TRAF3IP1: variants seen among roughly 807,000 people sequenced by gnomAD.
TRAF3IP1 encodes the protein intraflagellar transport 54, also known as TRAF3-interacting protein 1.
TRAF3IP1 carries 53 observed loss-of-function variants against 89.9 expected under a neutral mutation model. The ratio of observed to expected loss-of-function variants is 0.59; its 90% CI spans 0.47 to 0.74. The LOEUF (loss-of-function observed/expected upper bound fraction) is 0.74, where lower values mean the gene tolerates loss of function less well. Ranked by LOEUF, TRAF3IP1 falls within the 30% of genes least tolerant of loss-of-function variation. The pLI, the probability that TRAF3IP1 is intolerant of heterozygous loss-of-function variation, is 0.00. For synonymous variants in TRAF3IP1, 311 were observed against 322.1 expected, an observed-to-expected ratio of 0.97 and a Z score of 0.37; for missense variants, 806 against 866.1, an observed-to-expected ratio of 0.93 and a Z score of 0.87.
Position 238,398,763 on chromosome 2 carries a change from C to G in TRAF3IP1, c.1920C>G (p.Asp640Glu), listed in dbSNP as rs1313804221. The change falls in exon 17 of 17, where the codon GAC becomes GAG. Residue 640 changes from aspartate (D) to glutamate (E), a missense_variant. Asp to Glu is a conservative substitution (Grantham distance 45). Coordinates refer to ENST00000373327, the MANE Select transcript of TRAF3IP1 (RefSeq NM_015650.4). ...TTTTGTTCTCCCTCAGGATCACAGA[C>G]TGTGCCGTGGAGCCCTTAAAGGCTG... ...EALQQEQRIT[D>E]CAVEPLKAEL... is the part of the protein sequence containing the mutation. The G allele has an allele frequency of 6.3e-7, 1 of 1,596,918 alleles. No individual in the cohort carries two copies. Among genetic ancestry groups the G allele is most frequent in the Non-Finnish European group, 8.5e-7 (1 of 1,175,394 alleles).
At chr2:238,359,841 T>TA (rs1358213431) in intron 15 of TRAF3IP1, among the ~76,000 whole-genome samples, 1 of 152,232 alleles carries the variant, frequency 6.6e-6, no homozygotes, top group African/African-American at 2.4e-5. Flanking sequence ...TTTTTCATGA[T>TA]ACGTTCCGAT....
At chr2:238,352,411 T>G (rs1699213414) in intron 12 of TRAF3IP1, among the ~76,000 whole-genome samples, 1 of 152,172 alleles carries the variant, frequency 6.6e-6, no homozygotes, top group Non-Finnish European at 1.5e-5. Flanking sequence ...CCCTGAGGTT[T>G]GTGACCCAGG....
intron 3 of TRAF3IP1, 67 bp from the exon 4 acceptor site, chr2:238,328,619 T>C (rs1399196156): frequency 2.0e-5 from 31 of 1,539,554 alleles, no homozygotes; most frequent in Non-Finnish European, 2.6e-5. Context: ...AATGGCGATG[T>C]TCTATTTGTT....
intron 15 of TRAF3IP1, among the ~76,000 whole-genome samples, chr2:238,359,677 T>G (rs1478970966): frequency 1.3e-5 from 2 of 152,242 alleles, no homozygotes. Flanking sequence ...ATAAAGCTGC[T>G]GTGAACATTA....
At chr2:238,359,695 A>T (rs745702354) in intron 15 of TRAF3IP1, among the ~76,000 whole-genome samples, 2 of 152,192 alleles carry the variant, frequency 1.3e-5, no homozygotes, top group African/African-American at 2.4e-5. Context: ...TTAATGTTCA[A>T]GTCTTTGTTT....
intron 9 of TRAF3IP1, chr2:238,347,044 AC>A (rs1698925603): frequency 5.8e-6 from 1 of 171,360 alleles, no homozygotes; most frequent in East Asian, 1.7e-4. Flanking sequence ...GCTGTTGTTG[AC>A]TGTCTCCCAG....
At chr2:238,320,823 G>C in intron 1 of TRAF3IP1, 38 bp downstream of exon 1, 2 of 1,353,866 alleles carry the variant, frequency 1.5e-6, no homozygotes, top group Admixed American at 2.9e-5. Flanking sequence ...GGTGCGGGTC[G>C]GGATTCCGGT....
intron 15 of TRAF3IP1, among the ~76,000 whole-genome samples, chr2:238,367,359 G>T (rs929274861): frequency 6.6e-6 from 1 of 152,094 alleles, no homozygotes; most frequent in African/African-American, 2.4e-5. Flanking sequence ...TGCAACAGAA[G>T]ACTGAAGATG....
intron 7 of TRAF3IP1, among the ~76,000 whole-genome samples, chr2:238,335,973 G>A (rs1353251504): frequency 6.6e-6 from 1 of 151,876 alleles, no homozygotes; most frequent in South Asian, 2.1e-4. Flanking sequence ...TGTATTTTTA[G>A]TAGAGACAGG....
intron 14 of TRAF3IP1, 105 bp downstream of exon 14, chr2:238,353,314 G>T: frequency 7.6e-7 from 1 of 1,313,090 alleles, no homozygotes; most frequent in Non-Finnish European, 1.1e-6. Context: ...TTGTGTGCCA[G>T]GTTCTGGTCT....
Position 238,329,358 on chromosome 2 carries a change from G to A in TRAF3IP1, c.915+16G>A. Reference sequence around the variant, plus strand: ...TGAGAAAAAGGTAAAGTCTTGCTGAGAACCTCGCCTTTTGCTTAGCAAGAG... The same window carrying A: ...TGAGAAAAAGGTAAAGTCTTGCTGAAAACCTCGCCTTTTGCTTAGCAAGAG... On this transcript the variant is annotated intron_variant, in intron 5 of 16. Coordinates refer to ENST00000373327, the MANE Select transcript of TRAF3IP1 (RefSeq NM_015650.4). The A allele has an allele frequency of 1.5e-6, 2 of 1,345,116 alleles. 1 individual carries two copies. Among genetic ancestry groups the A allele is most frequent in the South Asian group, 5.5e-5 (2 of 36,498 alleles). The allele number at this position is 1,345,116 out of a possible 1,614,324, so 83.3% of individuals were successfully genotyped here.
chr2:238,352,725 T>G (rs1418129513), intron 12 of TRAF3IP1, 102 bp from the exon 13 acceptor site: 6 of 1,144,928 alleles, frequency 5.2e-6, no homozygotes, highest in Non-Finnish European at 7.4e-6. Flanking sequence ...CTAGAGATGG[T>G]TGGTGATTAG....
At chr2:238,378,948 G>T (rs187694076) in intron 15 of TRAF3IP1, among the ~76,000 whole-genome samples, 26 of 152,312 alleles carry the variant, frequency 1.7e-4, no homozygotes, top group Non-Finnish European at 3.5e-4. Flanking sequence ...TGGGTCAGGA[G>T]TAGAAAGGCC....
chr2:238,347,589 T>C, intron 10 of TRAF3IP1, 114 bp downstream of exon 10: 1 of 1,045,312 alleles, frequency 9.6e-7, no homozygotes, highest in Non-Finnish European at 1.5e-6. Context: ...AAGTAACTTA[T>C]TTTATGGAAA....
rs199664401 is a variant in TRAF3IP1 at position 238,397,580 on chromosome 2, T to C, written c.1811T>C (p.Met604Thr). Residue 604 changes from methionine (M) to threonine (T), a missense_variant, in exon 16 of 17, where the codon ATG becomes ACG. Physicochemically the swap from Met to Thr is moderately conservative, Grantham distance 81. Coordinates refer to ENST00000373327, the MANE Select transcript of TRAF3IP1 (RefSeq NM_015650.4). ...AGCGCACTTCCCCTGGGGAAGATCA[T>C]GGACTACATCCAGGAAGACGTGGAT... ...CKSALPLGKIMDYIQEDVDAM... is the reference protein window; with the variant it reads ...CKSALPLGKITDYIQEDVDAM... 2.5e-6 allele frequency: 4 copies of C among 1,612,980 alleles called. No homozygotes were observed. The highest frequency in any genetic ancestry group is 2.5e-6 in the Non-Finnish European group (3 of 1,179,946).
intron 12 of TRAF3IP1, among the ~76,000 whole-genome samples, chr2:238,350,381 C>T (rs1027335428): frequency 1.4e-4 from 22 of 152,028 alleles, no homozygotes; most frequent in Admixed American, 6.6e-5. Context: ...GAGGTGGAGT[C>T]GGCACATGGT....
At chr2:238,347,231 A>G in intron 9 of TRAF3IP1, 1 of 555,234 alleles carries the variant, frequency 1.8e-6, no homozygotes, top group Non-Finnish European at 3.2e-6. Context: ...ATTTAGTACC[A>G]TTTTATGATG....
chr2:238,353,493 G>T (rs1031684868), intron 14 of TRAF3IP1, among the ~76,000 whole-genome samples: 1 of 152,158 alleles, frequency 6.6e-6, no homozygotes, highest in African/African-American at 2.4e-5. Context: ...TCTTCCGTAC[G>T]ATTAAATTGT....
chr2:238,388,559 A>G (rs1464816984), intron 15 of TRAF3IP1, among the ~76,000 whole-genome samples: 1 of 151,032 alleles, frequency 6.6e-6, no homozygotes, highest in African/African-American at 2.4e-5. Flanking sequence ...TTGTAAATTG[A>G]ATGCAGGTAT....
Sources: allele counts gnomAD v4.1 joint callset (sites outside exome capture counted in the v4.1 genomes callset), GRCh38; gene constraint gnomAD v4.1.1; transcripts MANE v1.5; gene names NCBI Gene and HGNC (gene_info 2026-07-23, HGNC 2026-07-21).